GNA14: variants seen among roughly 807,000 people sequenced by gnomAD.
GNA14 encodes the protein G protein subunit alpha 14.
A neutral mutation model predicts 42.0 loss-of-function variants in GNA14; 50 were observed. That is an observed-to-expected ratio of 1.19 (90% CI 0.95 to 1.51). The LOEUF is 1.51. GNA14 is among the 40% of genes most tolerant of loss of function. GNA14 has a pLI of 0.00. For synonymous variants in GNA14, 173 were observed against 163.1 expected (o/e 1.06, Z -0.46); for missense variants, 473 against 446.2 (o/e 1.06, Z -0.54).
At chr9:77,428,245 AT>A (rs1314167458) in intron 5 of GNA14, among the ~76,000 whole-genome samples, 1 of 151,560 alleles carries the variant, frequency 6.6e-6, no homozygotes, top group African/African-American at 2.4e-5. Context: ...CGCCCGGCTA[AT>A]TTTTTGTATT....
At chr9:77,505,425 G>T (rs1443322393) in intron 2 of GNA14, among the ~76,000 whole-genome samples, 1 of 152,102 alleles carries the variant, frequency 6.6e-6, no homozygotes, top group Admixed American at 6.5e-5. Context: ...TGGTATTCAT[G>T]GTGCTGTATT....
At chr9:77,472,849 GT>G (rs2131722319) in intron 2 of GNA14, among the ~76,000 whole-genome samples, 1 of 151,288 alleles carries the variant, frequency 6.6e-6, no homozygotes, top group South Asian at 2.1e-4. Flanking sequence ...AAGAGGTCAT[GT>G]GAACCATCTG....
Position 77,515,379 on chromosome 9 carries a change from G to A in GNA14, c.309+13690C>T, listed in dbSNP as rs144393791. ...GGCTTGAAGGAGCATTGTGAATACAGGGACCAAAAGAAAGGAGGTCACTGT... is the reference window on the plus strand; with the variant it reads ...GGCTTGAAGGAGCATTGTGAATACAAGGACCAAAAGAAAGGAGGTCACTGT... On this transcript the variant is annotated intron_variant, in intron 2 of 6. Coordinates refer to ENST00000341700, the MANE Select transcript of GNA14 (RefSeq NM_004297.4). Among the ~76,000 whole-genome samples the A allele has an allele frequency of 6.2e-3, 940 of 152,282 alleles. 9 individuals carry two copies. Among genetic ancestry groups the A allele is most frequent in the South Asian group, 0.025 (119 of 4,824 alleles).
chr9:77,537,569 C>G (rs1837612826), intron 1 of GNA14, among the ~76,000 whole-genome samples: 1 of 152,136 alleles, frequency 6.6e-6, no homozygotes, highest in African/African-American at 2.4e-5. Flanking sequence ...CTGTGATATA[C>G]AGATTTCTTT....
intron 2 of GNA14, among the ~76,000 whole-genome samples, chr9:77,451,628 TG>T (rs1835902812): frequency 6.6e-6 from 1 of 152,160 alleles, no homozygotes; most frequent in South Asian, 2.1e-4. Flanking sequence ...AAGATAATAT[TG>T]CCCCAAACTT....
intron 2 of GNA14, among the ~76,000 whole-genome samples, chr9:77,476,258 C>T (rs1231069270): frequency 6.6e-6 from 1 of 152,152 alleles, no homozygotes; most frequent in Non-Finnish European, 1.5e-5. Flanking sequence ...ATCACACCAA[C>T]AAGATTGCCT....
At chr9:77,532,803 G>T (rs1461996245) in intron 1 of GNA14, among the ~76,000 whole-genome samples, 1 of 152,128 alleles carries the variant, frequency 6.6e-6, no homozygotes, top group African/African-American at 2.4e-5. Flanking sequence ...TGCATGTGCT[G>T]GTGGAGGGTC....
At position 77,517,066 on chromosome 9, in the gene GNA14, G is replaced by A. The variant is rs141528115; in HGVS notation, c.309+12003C>T. The stretch of plus-strand genomic sequence containing the variant: ...AGTGGAGGAATCACAGAAATGGCAC[G>A]TTGGTTAGGGAAAATCGTCCTCCAA... On this transcript the variant is annotated intron_variant, in intron 2 of 6. Transcript: ENST00000341700. Among the ~76,000 whole-genome samples, 573 of 152,260 alleles carry A rather than the reference G, an allele frequency of 3.8e-3. 1 individual carries two copies. The highest frequency in any genetic ancestry group is 0.01 in the Middle Eastern group (3 of 294).
rs545106815 is a variant in GNA14 at position 77,530,741 on chromosome 9, C to A, written c.125-1488G>T. Among the ~76,000 whole-genome samples the A allele has an allele frequency of 2.4e-3, 373 of 152,322 alleles. 1 individual carries two copies. Among genetic ancestry groups the A allele is most frequent in the African/African-American group, 8.7e-3 (362 of 41,574 alleles). On this transcript the variant is annotated intron_variant, in intron 1 of 6. Transcript: ENST00000341700. ...ACACTGAACCTCAAACCTCAGCCAA[C>A]CCACTGTCTTGCAGGCTCAGGCTGC...
At chr9:77,462,121 G>C (rs1048608067) in intron 2 of GNA14, among the ~76,000 whole-genome samples, 4 of 152,076 alleles carry the variant, frequency 2.6e-5, no homozygotes, top group Non-Finnish European at 2.9e-5. Flanking sequence ...CATGATTAAG[G>C]CTTCTCTTGA....
chr9:77,468,932 G>A (rs117152421), intron 2 of GNA14, among the ~76,000 whole-genome samples: 2 of 152,298 alleles, frequency 1.3e-5, no homozygotes, highest in East Asian at 1.9e-4. Flanking sequence ...CATTAAGAAT[G>A]CTGTTCTTAA....
intron 2 of GNA14, among the ~76,000 whole-genome samples, chr9:77,494,852 T>C (rs1397358365): frequency 6.6e-6 from 1 of 152,128 alleles, no homozygotes; most frequent in Non-Finnish European, 1.5e-5. Flanking sequence ...CAGGCTGGAG[T>C]GCAGTAGTGT....
chr9:77,502,829 T>C (rs1380311144), intron 2 of GNA14, among the ~76,000 whole-genome samples: 1 of 152,120 alleles, frequency 6.6e-6, no homozygotes, highest in Non-Finnish European at 1.5e-5. Flanking sequence ...CCACAGTGTT[T>C]TTCTTGGTGT....
chr9:77,498,427 G>T (rs936393614), intron 2 of GNA14, among the ~76,000 whole-genome samples: 1 of 147,276 alleles, frequency 6.8e-6, no homozygotes, highest in South Asian at 2.2e-4. Context: ...ACCAGGGCAA[G>T]AATTTGGGTC....
chr9:77,437,124 C>A (rs73454072), intron 2 of GNA14, among the ~76,000 whole-genome samples: 1 of 152,178 alleles, frequency 6.6e-6, no homozygotes, highest in African/African-American at 2.4e-5. Context: ...AACGGCTGAG[C>A]TTTAGTGCTG....
chr9:77,600,824 C>A (rs1823547746), intron 1 of GNA14, among the ~76,000 whole-genome samples: 1 of 152,198 alleles, frequency 6.6e-6, no homozygotes, highest in African/African-American at 2.4e-5. Context: ...GAGGCTGAGG[C>A]AGGAGAATCG....
chr9:77,621,606 CA>C (rs2117974917), intron 1 of GNA14, among the ~76,000 whole-genome samples: 1 of 152,244 alleles, frequency 6.6e-6, no homozygotes, highest in Non-Finnish European at 1.5e-5. Context: ...AATATAGACA[CA>C]AATTAAATTA....
intron 2 of GNA14, among the ~76,000 whole-genome samples, chr9:77,478,786 G>A (rs1464208640): frequency 6.6e-6 from 1 of 152,220 alleles, no homozygotes; most frequent in East Asian, 1.9e-4. Flanking sequence ...CAGTGATGAT[G>A]AGCATTTTTT....
At chr9:77,434,144 C>T (rs7041140) in intron 3 of GNA14, among the ~76,000 whole-genome samples, 45,636 of 151,992 alleles carry the variant, frequency 0.3, 7,431 homozygotes, top group East Asian at 0.55. Context: ...CAAGAGCAGG[C>T]GGGTGTCGGC....
Sources: allele counts gnomAD v4.1 joint callset (sites outside exome capture counted in the v4.1 genomes callset), GRCh38; gene constraint gnomAD v4.1.1; transcripts MANE v1.5; gene names NCBI Gene and HGNC (gene_info 2026-07-23, HGNC 2026-07-21).